Variants in EGFR observed in about 807,000 individuals in gnomAD.
EGFR encodes avian erythroblastic leukemia viral (v-erb-b) oncogene homolog.
In EGFR, 58 loss-of-function variants were observed where a neutral mutation model predicts 143.0. That is an observed-to-expected ratio of 0.41 (90% CI 0.33 to 0.50). The LOEUF (loss-of-function observed/expected upper bound fraction) is 0.50. Ranked by LOEUF, EGFR falls within the 20% of genes least tolerant of loss-of-function variation. The pLI, the probability that EGFR is intolerant of heterozygous loss-of-function variation, is 0.39. For synonymous variants in EGFR, 613 were observed against 594.4 expected, an observed-to-expected ratio of 1.03 and a Z score of -0.45; for missense variants, 1,307 against 1,579.0, an observed-to-expected ratio of 0.83 and a Z score of 2.92.
intron 1 of EGFR, among the ~76,000 whole-genome samples, chr7:55,087,676 T>C (rs546752820): frequency 1.3e-5 from 2 of 152,290 alleles, no homozygotes; most frequent in South Asian, 4.2e-4. Flanking sequence ...GTTGGAAACT[T>C]CCCGATTGGG....
At chr7:55,080,266 A>G (rs1645261551) in intron 1 of EGFR, among the ~76,000 whole-genome samples, 1 of 152,082 alleles carries the variant, frequency 6.6e-6, no homozygotes, top group Non-Finnish European at 1.5e-5. Flanking sequence ...TCAAGACTTA[A>G]TAGTTATAAT....
intron 1 of EGFR, among the ~76,000 whole-genome samples, chr7:55,109,246 T>C (rs956776494): frequency 6.6e-6 from 1 of 152,206 alleles, no homozygotes; most frequent in Non-Finnish European, 1.5e-5. Context: ...TAAAACATAT[T>C]AATGCAACCT....
At chr7:55,115,264 C>T (rs1271181973) in intron 1 of EGFR, among the ~76,000 whole-genome samples, 1 of 152,250 alleles carries the variant, frequency 6.6e-6, no homozygotes, top group Middle Eastern at 3.4e-3. Flanking sequence ...GAGCCAGGCA[C>T]TCACATAGTT....
At chr7:55,100,164 C>A (rs558289146) in intron 1 of EGFR, among the ~76,000 whole-genome samples, 7 of 152,352 alleles carry the variant, frequency 4.6e-5, no homozygotes, top group African/African-American at 1.4e-4. Flanking sequence ...ATCCTTTCTA[C>A]GATGCCTGAC....
chr7:55,200,661 C>T (rs905719391), intron 24 of EGFR: 12 of 576,838 alleles, frequency 2.1e-5, no homozygotes, highest in African/African-American at 3.7e-5. Flanking sequence ...CTCGTCCTCA[C>T]TGTCCGGCTA....
intron 1 of EGFR, among the ~76,000 whole-genome samples, chr7:55,038,209 A>G (rs895958653): frequency 6.6e-6 from 1 of 152,220 alleles, no homozygotes; most frequent in Non-Finnish European, 1.5e-5. Flanking sequence ...TGTCGTTCAC[A>G]TGCTTCATGC....
At chr7:55,200,589 C>A (rs2128970412) in intron 24 of EGFR, 176 bp downstream of exon 24, 2 of 690,304 alleles carry the variant, frequency 2.9e-6, no homozygotes, top group Non-Finnish European at 5.2e-6. Context: ...AACTAAGCAG[C>A]ATCCGTGAGT....
intron 1 of EGFR, among the ~76,000 whole-genome samples, chr7:55,090,062 G>C (rs977315454): frequency 6.6e-6 from 1 of 151,930 alleles, no homozygotes; most frequent in Non-Finnish European, 1.5e-5. Context: ...TCTGCCTCCC[G>C]GGTTCAAGTG....
chr7:55,022,481 C>T (rs2128856554), intron 1 of EGFR, among the ~76,000 whole-genome samples: 1 of 152,220 alleles, frequency 6.6e-6, no homozygotes, highest in East Asian at 1.9e-4. Flanking sequence ...CCTTTCTTCT[C>T]ACTCCAGCCC....
At chr7:55,111,806 A>C (rs571167051) in intron 1 of EGFR, among the ~76,000 whole-genome samples, 1 of 152,354 alleles carries the variant, frequency 6.6e-6, no homozygotes, top group African/African-American at 2.4e-5. Flanking sequence ...AGGAGGGCTT[A>C]TGATGATGCC....
chr7:55,134,565 T>C (rs1465742581), intron 1 of EGFR, among the ~76,000 whole-genome samples: 1 of 152,268 alleles, frequency 6.6e-6, no homozygotes, highest in East Asian at 1.9e-4. Context: ...AAAATGAAAC[T>C]ATTGTATTGA....
chr7:55,168,804 A>G (rs1786198878), intron 15 of EGFR, among the ~76,000 whole-genome samples: 2 of 152,204 alleles, frequency 1.3e-5, no homozygotes, highest in South Asian at 4.1e-4. Context: ...TTTAATTTTT[A>G]AAATACGGCC....
chr7:55,169,195 G>C (rs1038397174), intron 15 of EGFR, among the ~76,000 whole-genome samples: 4 of 151,846 alleles, frequency 2.6e-5, no homozygotes, highest in Non-Finnish European at 5.9e-5. Flanking sequence ...CCACCTCCCA[G>C]GTTCAAGCAA....
intron 1 of EGFR, among the ~76,000 whole-genome samples, chr7:55,097,094 A>C (rs1359501233): frequency 6.6e-6 from 1 of 152,142 alleles, no homozygotes; most frequent in Non-Finnish European, 1.5e-5. Flanking sequence ...CTGGCTCTAG[A>C]ATTCTAACCT....
intron 20 of EGFR, among the ~76,000 whole-genome samples, chr7:55,190,286 G>A (rs565313259): frequency 1.8e-4 from 28 of 152,238 alleles, no homozygotes; most frequent in Non-Finnish European, 3.5e-4. Context: ...GGCAGTGCAG[G>A]GTGAGGGGAC....
At chr7:55,160,839 C>G (rs1562771317) in intron 12 of EGFR, among the ~76,000 whole-genome samples, 1 of 152,248 alleles carries the variant, frequency 6.6e-6, no homozygotes, top group South Asian at 2.1e-4. Flanking sequence ...CTTTGAGCCT[C>G]TGTCAATTCC....
chr7:55,138,418 T>C (rs191551206), intron 1 of EGFR, among the ~76,000 whole-genome samples: 6 of 152,346 alleles, frequency 3.9e-5, no homozygotes, highest in Admixed American at 3.9e-4. Flanking sequence ...ACTACTGAAA[T>C]ACCTAGTCTT....
intron 1 of EGFR, among the ~76,000 whole-genome samples, chr7:55,128,537 C>G (rs939262179): frequency 6.6e-6 from 1 of 152,150 alleles, no homozygotes; most frequent in African/African-American, 2.4e-5. Flanking sequence ...AAAGAATATA[C>G]GACGTGTGTT....
chr7:55,203,610 TACAA>T (rs1253903576), intron 27 of EGFR, among the ~76,000 whole-genome samples: 3 of 108,684 alleles, frequency 2.8e-5, no homozygotes, highest in Non-Finnish European at 5.5e-5. Context: ...CGCACACACA[TACAA>T]ACATATACAC....
Sources: allele counts gnomAD v4.1 joint callset (sites outside exome capture counted in the v4.1 genomes callset), GRCh38; gene constraint gnomAD v4.1.1; transcripts MANE v1.5; gene names NCBI Gene and HGNC (gene_info 2026-07-23, HGNC 2026-07-21).